UBXN4: variants seen among roughly 807,000 people sequenced by gnomAD.
UBXN4 encodes the protein UBX domain-containing protein 4.
In UBXN4, 35 loss-of-function variants were observed where a neutral mutation model predicts 66.2. The ratio of observed to expected loss-of-function variants is 0.53; its 90% confidence interval spans 0.40 to 0.70. The LOEUF is 0.70. Ranked by LOEUF, UBXN4 falls within the 30% of genes least tolerant of loss-of-function variation. The pLI, the probability that UBXN4 is intolerant of heterozygous loss-of-function variation, is 0.00. For synonymous variants in UBXN4, 203 were observed against 204.5 expected (o/e 0.99, Z 0.06); for missense variants, 533 against 599.8 (o/e 0.89, Z 1.16).
chr2:135,768,301 C>A (rs1383017976), intron 6 of UBXN4, among the ~76,000 whole-genome samples: 1 of 151,874 alleles, frequency 6.6e-6, no homozygotes, highest in Non-Finnish European at 1.5e-5. Flanking sequence ...CAGGTTCAAG[C>A]GATTCTCCTG....
intron 5 of UBXN4, 37 bp downstream of exon 5, chr2:135,755,728 C>T: frequency 7.8e-7 from 1 of 1,275,908 alleles, no homozygotes; most frequent in Non-Finnish European, 1.0e-6. Flanking sequence ...GCAATAGAAG[C>T]TCCTTCACTA....
chr2:135,772,327 TAAAAAA>T, intron 8 of UBXN4, 87 bp from the exon 9 acceptor site: 2 of 1,120,292 alleles, frequency 1.8e-6, no homozygotes, highest in Non-Finnish European at 2.4e-6. Flanking sequence ...TGTCTCTTAA[TAAAAAA>T]AAAAAATTCC....
chr2:135,762,530 TA>T (rs1439255315), intron 6 of UBXN4, among the ~76,000 whole-genome samples: 3 of 152,140 alleles, frequency 2.0e-5, no homozygotes, highest in African/African-American at 4.8e-5. Context: ...AAAATTTTTT[TA>T]AAAAAACCTT....
intron 10 of UBXN4, 86 bp downstream of exon 10, chr2:135,776,437 T>C: frequency 8.5e-7 from 1 of 1,174,758 alleles, no homozygotes; most frequent in Admixed American, 2.2e-5. Context: ...AGAAGTTGAA[T>C]GTGAGTGAAT....
intron 9 of UBXN4, among the ~76,000 whole-genome samples, chr2:135,774,871 A>G (rs2077403896): frequency 6.6e-6 from 1 of 151,916 alleles, no homozygotes; most frequent in East Asian, 1.9e-4. Context: ...GCAAAGAACA[A>G]CCCATAGAAT....
chr2:135,748,519 C>T, intron 2 of UBXN4, 150 bp downstream of exon 2: 1 of 473,894 alleles, frequency 2.1e-6, no homozygotes, highest in Non-Finnish European at 3.5e-6. Flanking sequence ...CGCTTGAGCC[C>T]AGGAGTTAGA....
At chr2:135,761,318 G>A (rs547490327) in intron 5 of UBXN4, among the ~76,000 whole-genome samples, 2 of 152,226 alleles carry the variant, frequency 1.3e-5, no homozygotes, top group African/African-American at 2.4e-5. Context: ...CCTTGGACCA[G>A]TGTAAGTCCA....
At chr2:135,745,722 C>T (rs1458148992) in intron 1 of UBXN4, among the ~76,000 whole-genome samples, 3 of 152,102 alleles carry the variant, frequency 2.0e-5, no homozygotes, top group South Asian at 2.1e-4. Context: ...ATCTTAATCT[C>T]TCCTCATCAG....
rs143927194 is a variant in UBXN4 at position 135,754,884 on chromosome 2, G to A, written c.333+607G>A. ...ACTGCAATCTCTACCTCCCGGGTTC[G>A]AGCGATTTTTCTGCCTCAGCCTCCC... On this transcript the variant is annotated intron_variant, in intron 4 of 12. Coordinates refer to ENST00000272638, the MANE Select transcript of UBXN4 (RefSeq NM_014607.4). 7.1e-4 allele frequency among the ~76,000 whole-genome samples: 108 copies of A among 152,126 alleles called. 1 individual carries two copies. Among genetic ancestry groups the A allele is most frequent in the African/African-American group, 2.3e-3 (97 of 41,514 alleles).
chr2:135,757,785 ATTT>A (rs112696573), intron 5 of UBXN4, among the ~76,000 whole-genome samples: 4 of 143,736 alleles, frequency 2.8e-5, no homozygotes, highest in African/African-American at 1.0e-4. Context: ...CTTAAAAAAA[ATTT>A]TTTTTTTTTT....
Position 135,741,978 on chromosome 2 carries a change from A to G in UBXN4, c.49A>G (p.Arg17Gly). ...TCCGGCCGCCATCGCGACGGCCAAA[A>G]GGAGCGGCGCGGTCTTCGTGGTGTT... ...AIPAAIATAK[R>G]SGAVFVVFVA... is the part of the protein sequence containing the mutation. The change falls in exon 1 of 13, where the codon AGG becomes GGG. Residue 17 changes from arginine (R) to glycine (G), a missense_variant. Physicochemically the swap from Arg to Gly is moderately radical, Grantham distance 125. This residue lies in a region of UBXN4 where 529 missense variants were observed against 580.1 expected (regional missense o/e 0.91). Coordinates refer to ENST00000272638, the MANE Select transcript of UBXN4 (RefSeq NM_014607.4). 1 of 1,613,450 alleles carries G rather than the reference A, an allele frequency of 6.2e-7. No homozygotes were observed. The highest frequency in any genetic ancestry group is 8.5e-7 in the Non-Finnish European group (1 of 1,179,690).
At chr2:135,782,541 T>TA (rs1417539173) in intron 12 of UBXN4, among the ~76,000 whole-genome samples, 1 of 152,208 alleles carries the variant, frequency 6.6e-6, no homozygotes, top group Non-Finnish European at 1.5e-5. Flanking sequence ...TGGCTTGACT[T>TA]AGAGATCAGA....
intron 5 of UBXN4, among the ~76,000 whole-genome samples, chr2:135,756,446 A>T (rs118166298): frequency 6.6e-6 from 1 of 152,310 alleles, no homozygotes; most frequent in East Asian, 1.9e-4. Context: ...ATTGAGCTGA[A>T]ATTTGATGCC....
In UBXN4 at chr2:135,747,341, T is replaced by TC. The variant is rs2077214116; in HGVS notation, c.83-924dup. Reference sequence around the variant, plus strand: ...ACAACCTGAGCGACAAGAGTGAAACTCCATCTCAAAAAAAAAAAAAAAAAA... The same window carrying TC: ...ACAACCTGAGCGACAAGAGTGAAACTCCCATCTCAAAAAAAAAAAAAAAAAA... On this transcript the variant is annotated intron_variant, in intron 1 of 12. Coordinates refer to ENST00000272638, the MANE Select transcript of UBXN4 (RefSeq NM_014607.4). 4.8e-5 allele frequency among the ~76,000 whole-genome samples: 3 copies of TC among 62,134 alleles called. No homozygotes were observed. In the South Asian group the frequency reaches 2.0e-3, roughly 41 times the overall value. The allele number at this position is 62,134 out of a possible 152,430, so 40.8% of individuals were successfully genotyped here. A position where few individuals can be genotyped will look rare whatever the true frequency, so the allele number is the denominator to read the frequency against.
intron 5 of UBXN4, among the ~76,000 whole-genome samples, chr2:135,759,526 TC>T: frequency 6.6e-6 from 1 of 152,294 alleles, no homozygotes; most frequent in East Asian, 1.9e-4. Context: ...TGTAAGATGT[TC>T]CTCTATCCCC....
At chr2:135,753,470 A>C (rs1013012318) in intron 2 of UBXN4, 69 bp from the exon 3 acceptor site, 25 of 1,393,622 alleles carry the variant, frequency 1.8e-5, no homozygotes, top group Non-Finnish European at 1.9e-6. Flanking sequence ...AGTAAATTTT[A>C]TTAAAACAAC....
chr2:135,769,722 AAT>A (rs781137392), intron 6 of UBXN4, 45 bp from the exon 7 acceptor site: 1 of 1,376,712 alleles, frequency 7.3e-7, no homozygotes, highest in South Asian at 1.3e-5. Context: ...GTTTTATATT[AAT>A]ATGATGTGTC....
At chr2:135,754,697 G>T (rs1435719694) in intron 4 of UBXN4, among the ~76,000 whole-genome samples, 1 of 152,180 alleles carries the variant, frequency 6.6e-6, no homozygotes, top group Non-Finnish European at 1.5e-5. Context: ...AAGGTAGTAA[G>T]TACTGTCTTT....
intron 1 of UBXN4, among the ~76,000 whole-genome samples, chr2:135,744,100 T>C (rs899387596): frequency 6.6e-6 from 1 of 152,210 alleles, no homozygotes; most frequent in African/African-American, 2.4e-5. Context: ...ACTGGACTCA[T>C]GAAACCAAAA....
Sources: allele counts gnomAD v4.1 joint callset (sites outside exome capture counted in the v4.1 genomes callset), GRCh38; gene constraint gnomAD v4.1.1; regional missense constraint gnomAD v4.1.1; transcripts MANE v1.5; gene names NCBI Gene and HGNC (gene_info 2026-07-23, HGNC 2026-07-21).